Variants in EXOC1 observed in about 807,000 individuals in gnomAD.
EXOC1 encodes SEC3-like 1.
A neutral mutation model predicts 107.7 loss-of-function variants in EXOC1; 67 were observed. The ratio of observed to expected loss-of-function variants is 0.62; its 90% CI spans 0.51 to 0.76. The LOEUF (loss-of-function observed/expected upper bound fraction) is 0.76. Ranked by LOEUF, EXOC1 falls within the 30% of genes least tolerant of loss-of-function variation. The pLI, the probability that EXOC1 is intolerant of heterozygous loss-of-function variation, is 0.00. For missense variants in EXOC1, 833 were observed against 1,055.7 expected (o/e 0.79, Z 2.92); for synonymous variants, 348 against 353.5 (o/e 0.98, Z 0.17).
chr4:55,868,966 AGTGTG>A (rs1297102573), intron 5 of EXOC1, among the ~76,000 whole-genome samples: 1 of 152,206 alleles, frequency 6.6e-6, no homozygotes, highest in African/African-American at 2.4e-5. Context: ...GAGTGGAGTG[AGTGTG>A]GTGAAAACAG....
At chr4:55,897,015 G>A (rs1163937881) in intron 16 of EXOC1, 115 bp downstream of exon 16, 3 of 783,730 alleles carry the variant, frequency 3.8e-6, no homozygotes, top group East Asian at 6.7e-5. Context: ...TCTTTTTTAG[G>A]TTTTCTAACA....
intron 3 of EXOC1, 27 bp downstream of exon 3, chr4:55,860,568 G>A (rs1721381156): frequency 1.9e-6 from 3 of 1,611,658 alleles, no homozygotes; most frequent in Non-Finnish European, 2.5e-6. Flanking sequence ...TCTTTGACCT[G>A]TGTTCAGAAA....
At chr4:55,904,308 A>G in intron 18 of EXOC1, 35 bp from the exon 19 acceptor site, 1 of 1,558,932 alleles carries the variant, frequency 6.4e-7, no homozygotes, top group Non-Finnish European at 8.7e-7. Flanking sequence ...TATTATTTCC[A>G]TTCATAGCCT....
At position 55,899,827 on chromosome 4, in the gene EXOC1, A is replaced by G. The variant is rs143858685; in HGVS notation, c.2280A>G (p.Thr760=). 3.1e-6 allele frequency: 5 copies of G among 1,613,230 alleles called. No homozygotes were observed. The East Asian group carries it at 1.1e-4, about 36-fold the overall frequency. Residue 760 remains threonine (T), a synonymous_variant, in exon 17 of 19, where the codon ACA becomes ACG. Transcript: ENST00000381295. ...AEKKEAKQKY[T]DHLQSYVIYS... Reference sequence around the variant, plus strand: ...AAAAAGAAGCCAAACAAAAATACACAGATCACCTTCAGTCTTATGTCATTT... The same window carrying G: ...AAAAAGAAGCCAAACAAAAATACACGGATCACCTTCAGTCTTATGTCATTT...
chr4:55,897,198 C>T (rs1484513721), intron 16 of EXOC1, among the ~76,000 whole-genome samples: 8 of 151,018 alleles, frequency 5.3e-5, no homozygotes, highest in African/African-American at 1.7e-4. Context: ...ATGATCTTGG[C>T]TCACTGCAAC....
chr4:55,858,514 T>C (rs1158475736), intron 2 of EXOC1, 67 bp downstream of exon 2: 10 of 1,448,708 alleles, frequency 6.9e-6, no homozygotes, highest in Non-Finnish European at 9.1e-6. Context: ...ATTTCCTCTT[T>C]GTTTTGAATA....
At chr4:55,897,670 C>T (rs931940911) in intron 16 of EXOC1, among the ~76,000 whole-genome samples, 1 of 152,092 alleles carries the variant, frequency 6.6e-6, no homozygotes, top group African/African-American at 2.4e-5. Flanking sequence ...GGTTGGAGTG[C>T]GGTGGCATAA....
At position 55,892,672 on chromosome 4, in the gene EXOC1, G is replaced by A. The variant is rs370954621; in HGVS notation, c.1685G>A (p.Arg562Gln). The A allele has an allele frequency of 3.2e-5, 51 of 1,613,874 alleles. No individual in the cohort carries two copies. The highest frequency in any genetic ancestry group is 4.2e-5 in the Non-Finnish European group (49 of 1,179,976). Residue 562 changes from arginine to glutamine, a missense_variant, in exon 14 of 19, where the codon CGG becomes CAG. By Grantham distance (43) the Arg-to-Gln change is conservative (BLOSUM62 1). Transcript: ENST00000381295. ...GACCTGGATGGAGGAACATTATCAC[G>A]GCAACATAATTGTGGCACACCACTG... ...AEDLDGGTLS[R>Q]QHNCGTPLPV... is the part of the protein sequence containing the mutation.
Position 55,870,870 on chromosome 4 carries a change from A to C in EXOC1, c.796A>C (p.Asn266His), listed in dbSNP as rs766247298. ...NHLIHLSNTN[N>H]VKLLSEIEFL... ...CCTAATTCATCTTAGTAACACTAAT[A>C]ATGTAAAACTCCTATCTGAGATAGA... is the stretch of plus-strand genomic sequence containing the variant. Residue 266 changes from asparagine (N) to histidine (H), a missense_variant, in exon 6 of 19, where the codon AAT (asparagine) becomes CAT (histidine). Physicochemically the swap from Asn to His is moderately conservative, Grantham distance 68 (BLOSUM62 1). This residue lies in a region of EXOC1 where 617 missense variants were observed against 701.3 expected (regional missense o/e 0.88). Transcript: ENST00000381295. The C allele has an allele frequency of 6.2e-7, 1 of 1,613,908 alleles. No homozygotes were observed. The highest frequency in any genetic ancestry group is 2.2e-5 in the East Asian group (1 of 44,830).
At chr4:55,890,715 A>T (rs1724432314) in intron 12 of EXOC1, among the ~76,000 whole-genome samples, 1 of 152,100 alleles carries the variant, frequency 6.6e-6, no homozygotes, top group African/African-American at 2.4e-5. Flanking sequence ...TCTCTGTACT[A>T]AATTAAATAA....
At chr4:55,859,610 A>G (rs1010459097) in intron 2 of EXOC1, among the ~76,000 whole-genome samples, 1 of 151,998 alleles carries the variant, frequency 6.6e-6, no homozygotes, top group African/African-American at 2.4e-5. Flanking sequence ...CCTAGTTAGG[A>G]CTATCAATAC....
intron 3 of EXOC1, among the ~76,000 whole-genome samples, chr4:55,862,993 C>T (rs1041293409): frequency 6.6e-6 from 1 of 152,038 alleles, no homozygotes; most frequent in East Asian, 1.9e-4. Flanking sequence ...CTCCACCTTC[C>T]GGGCTCAAGC....
At chr4:55,883,047 G>A (rs893574351) in intron 9 of EXOC1, 1 of 152,016 alleles carries the variant, frequency 6.6e-6, no homozygotes, top group East Asian at 1.9e-4. Context: ...AATGATTTTT[G>A]TATGCCAAAG....
chr4:55,873,885 T>C (rs573698574), intron 8 of EXOC1, among the ~76,000 whole-genome samples: 1 of 152,164 alleles, frequency 6.6e-6, no homozygotes, highest in Non-Finnish European at 1.5e-5. Context: ...AGAATTTTCA[T>C]TGTATGCTTA....
chr4:55,886,575 CAA>C (rs71832369), intron 10 of EXOC1, among the ~76,000 whole-genome samples: 1 of 96,224 alleles, frequency 1.0e-5, no homozygotes. Context: ...AACAAAAAAA[CAA>C]AAAAAAAAAA....
intron 3 of EXOC1, among the ~76,000 whole-genome samples, chr4:55,862,678 T>C (rs1429452948): frequency 1.3e-4 from 20 of 152,224 alleles, no homozygotes. Flanking sequence ...ATATGATTGT[T>C]GTACCAAAGG....
intron 10 of EXOC1, among the ~76,000 whole-genome samples, chr4:55,888,467 A>C (rs1022842087): frequency 9.9e-5 from 15 of 152,138 alleles, no homozygotes; most frequent in African/African-American, 2.9e-4. Flanking sequence ...CAGGGAATAC[A>C]AGATTGTTGA....
chr4:55,864,460 A>G, intron 4 of EXOC1, 74 bp downstream of exon 4: 1 of 1,219,940 alleles, frequency 8.2e-7, no homozygotes, highest in South Asian at 1.5e-5. Context: ...CATCATTCAA[A>G]TTAATTAGAA....
At chr4:55,864,451 A>T in intron 4 of EXOC1, 65 bp downstream of exon 4, 1 of 1,302,736 alleles carries the variant, frequency 7.7e-7, no homozygotes, top group Non-Finnish European at 1.1e-6. Context: ...ATAATTTGAC[A>T]TCATTCAAAT....
Sources: allele counts gnomAD v4.1 joint callset (sites outside exome capture counted in the v4.1 genomes callset), GRCh38; gene constraint gnomAD v4.1.1; regional missense constraint gnomAD v4.1.1; transcripts MANE v1.5; gene names NCBI Gene and HGNC (gene_info 2026-07-23, HGNC 2026-07-21).